DOK6: variants seen among roughly 807,000 people sequenced by gnomAD.
DOK6 encodes the protein docking protein 6.
A neutral mutation model predicts 44.0 loss-of-function variants in DOK6; 22 were observed. The ratio of observed to expected loss-of-function variants is 0.50; its 90% CI spans 0.36 to 0.71. The LOEUF is 0.71. DOK6 is among the 30% of genes least tolerant of loss of function. The probability of loss-of-function intolerance (pLI) is 0.00; values close to 1 mark genes in which losing one functional copy is unlikely to be tolerated. For synonymous variants in DOK6, 166 were observed against 145.5 expected (o/e 1.14, Z -1.01); for missense variants, 340 against 416.4 (o/e 0.82, Z 1.60).
intron 2 of DOK6, among the ~76,000 whole-genome samples, chr18:69,575,477 T>G (rs778733286): frequency 1.3e-5 from 2 of 152,060 alleles, no homozygotes; most frequent in Non-Finnish European, 2.9e-5. Context: ...TTTCTCTAGA[T>G]GACATGGAGT....
chr18:69,799,277 TAAG>T (rs1302171512), intron 7 of DOK6, among the ~76,000 whole-genome samples: 1 of 152,076 alleles, frequency 6.6e-6, no homozygotes. Context: ...TCCTATTCTT[TAAG>T]AAGTTTATCG....
chr18:69,744,941 A>AT, intron 6 of DOK6, among the ~76,000 whole-genome samples: 1 of 151,378 alleles, frequency 6.6e-6, no homozygotes, highest in Non-Finnish European at 1.5e-5. Context: ...AAAAAAAAAA[A>AT]AAAAAACACC....
intron 3 of DOK6, among the ~76,000 whole-genome samples, chr18:69,671,514 C>CT (rs1254522069): frequency 5.9e-5 from 9 of 152,066 alleles, no homozygotes; most frequent in African/African-American, 2.2e-4. Context: ...TTATGCAAAA[C>CT]CTTCAGGTTG....
chr18:69,630,623 A>G (rs1222425837), intron 3 of DOK6, among the ~76,000 whole-genome samples: 1 of 152,222 alleles, frequency 6.6e-6, no homozygotes, highest in South Asian at 2.1e-4. Context: ...GCGGATAGAT[A>G]TATAATTCTT....
At chr18:69,469,342 A>G (rs1025568932) in intron 1 of DOK6, among the ~76,000 whole-genome samples, 2 of 152,224 alleles carry the variant, frequency 1.3e-5, no homozygotes, top group African/African-American at 4.8e-5. Flanking sequence ...CCCTTCACTT[A>G]AATAATAAAC....
chr18:69,688,672 C>G (rs191655014), intron 4 of DOK6, among the ~76,000 whole-genome samples: 1 of 152,140 alleles, frequency 6.6e-6, no homozygotes, highest in Non-Finnish European at 1.5e-5. Context: ...GCAGGCACCC[C>G]CCATCACACC....
intron 3 of DOK6, chr18:69,663,048 T>A (rs1985568944): frequency 6.6e-6 from 1 of 152,238 alleles, no homozygotes; most frequent in Non-Finnish European, 1.5e-5. Context: ...ACTGCAGTTA[T>A]TAACAAAGTC....
At chr18:69,425,240 GT>G (rs1175956268) in intron 1 of DOK6, among the ~76,000 whole-genome samples, 2 of 151,854 alleles carry the variant, frequency 1.3e-5, no homozygotes, top group Non-Finnish European at 2.9e-5. Context: ...CCCACTTCCA[GT>G]TTTTTTATTA....
intron 7 of DOK6, among the ~76,000 whole-genome samples, chr18:69,794,842 G>A (rs966250645): frequency 3.9e-5 from 6 of 152,084 alleles, no homozygotes; most frequent in African/African-American, 1.2e-4. Flanking sequence ...TGTGAACTGC[G>A]CATGCGAGGG....
At chr18:69,460,575 A>T (rs945100422) in intron 1 of DOK6, among the ~76,000 whole-genome samples, 9 of 152,204 alleles carry the variant, frequency 5.9e-5, no homozygotes, top group Non-Finnish European at 7.4e-5. Context: ...ATCCCAAAAT[A>T]GTAATTAAAT....
chr18:69,430,733 G>A (rs1019862190), intron 1 of DOK6, among the ~76,000 whole-genome samples: 1 of 152,154 alleles, frequency 6.6e-6, no homozygotes. Context: ...TTGGAAGGCC[G>A]AGGCTGGTGG....
rs945678526 is a variant in DOK6 at position 69,750,009 on chromosome 18, A to G, written c.739-7747A>G. Among the ~76,000 whole-genome samples, 5 of 149,122 alleles carry G rather than the reference A, an allele frequency of 3.4e-5. No homozygotes were observed. In the South Asian group the frequency reaches 1.1e-3, roughly 31 times the overall value. ...CTAAAGGGATATAAAAGTGTAGAAT[A>G]CTTGAATTTGGCTGAAAATAAGGAA... On this transcript the variant is annotated intron_variant, in intron 6 of 7. Transcript: ENST00000382713.
chr18:69,413,103 T>C (rs959274461), intron 1 of DOK6, among the ~76,000 whole-genome samples: 7 of 152,180 alleles, frequency 4.6e-5, no homozygotes, highest in Non-Finnish European at 7.4e-5. Flanking sequence ...TCCAGTCCTC[T>C]ATTCCTATTT....
intron 1 of DOK6, among the ~76,000 whole-genome samples, chr18:69,408,733 G>C (rs7236305): frequency 0.43 from 65,051 of 151,966 alleles, 14,053 homozygotes; most frequent in East Asian, 0.47. Flanking sequence ...GACAGTGTTA[G>C]CTAAATGCCC....
intron 7 of DOK6, among the ~76,000 whole-genome samples, chr18:69,758,479 A>ATT (rs10570084): frequency 6.6e-6 from 1 of 151,092 alleles, no homozygotes; most frequent in African/African-American, 2.4e-5. Context: ...TAGCTAGCAG[A>ATT]TTTTTTTTTT....
At chr18:69,774,120 GATATATATATGAGAT>G (rs1220840705) in intron 7 of DOK6, among the ~76,000 whole-genome samples, 4 of 26,510 alleles carry the variant, frequency 1.5e-4, no homozygotes, top group African/African-American at 2.3e-4. Context: ...GATTTATATA[GATATATATATGAGAT>G]ATATATATAT....
At chr18:69,649,861 A>C (rs1467592541) in intron 3 of DOK6, among the ~76,000 whole-genome samples, 1 of 152,180 alleles carries the variant, frequency 6.6e-6, no homozygotes, top group African/African-American at 2.4e-5. Context: ...AATTATTGAG[A>C]TGGTAAGATA....
intron 1 of DOK6, among the ~76,000 whole-genome samples, chr18:69,533,087 T>TA (rs933856991): frequency 6.6e-6 from 1 of 152,038 alleles, no homozygotes; most frequent in Non-Finnish European, 1.5e-5. Flanking sequence ...AGTATCCTCT[T>TA]AAAAAATATC....
intron 1 of DOK6, among the ~76,000 whole-genome samples, chr18:69,435,182 G>A (rs1978942996): frequency 6.6e-6 from 1 of 152,196 alleles, no homozygotes; most frequent in South Asian, 2.1e-4. Flanking sequence ...GTTGAGCTCT[G>A]GAACTGGGAT....
Sources: gnomAD v4.1 joint callset for allele counts (sites outside exome capture counted in the v4.1 genomes callset) on GRCh38, gnomAD v4.1.1 for gene constraint, MANE v1.5 for transcripts, NCBI Gene and HGNC (gene_info 2026-07-23, HGNC 2026-07-21) for gene names.